The following ADGRB1 variants were observed in gnomAD, a reference collection of about 807,000 sequenced individuals.
ADGRB1 encodes brain-specific angiogenesis inhibitor 1.
In ADGRB1, 36 loss-of-function variants were observed where a neutral mutation model predicts 175.7. The observed-to-expected ratio is 0.20, with a 90% CI of 0.16 to 0.27. The LOEUF (loss-of-function observed/expected upper bound fraction) is 0.27, where lower values mean the gene tolerates loss of function less well. Ranked by LOEUF, ADGRB1 falls within the 10% of genes least tolerant of loss-of-function variation. The pLI is 1.00. For synonymous variants in ADGRB1, 1,054 were observed against 979.4 expected, an observed-to-expected ratio of 1.08 and a Z score of -1.42; for missense variants, 1,731 against 2,255.3, an observed-to-expected ratio of 0.77 and a Z score of 4.71.
intron 19 of ADGRB1, 108 bp from the exon 20 acceptor site, chr8:142,520,715 G>A: frequency 1.2e-6 from 1 of 865,966 alleles, no homozygotes; most frequent in African/African-American, 1.7e-5. Flanking sequence ...TGGTGACAAT[G>A]CCTGCAGGAA....
intron 22 of ADGRB1, among the ~76,000 whole-genome samples, chr8:142,523,283 G>A (rs1005786980): frequency 6.6e-6 from 1 of 152,120 alleles, no homozygotes; most frequent in Non-Finnish European, 1.5e-5. Flanking sequence ...TGGGGCTCAG[G>A]ATGGGCAGAA....
intron 17 of ADGRB1, among the ~76,000 whole-genome samples, chr8:142,498,959 C>T (rs1182175589): frequency 1.3e-5 from 2 of 152,190 alleles, no homozygotes; most frequent in African/African-American, 4.8e-5. Flanking sequence ...CAGCCTCTCT[C>T]TCCCTCTCTT....
chr8:142,539,505 A>G, intron 27 of ADGRB1, 92 bp downstream of exon 27: 1 of 1,448,492 alleles, frequency 6.9e-7, no homozygotes, highest in Non-Finnish European at 9.4e-7. Flanking sequence ...CACATCACCC[A>G]TCCCTGTCCA....
rs184351165 is a variant in ADGRB1 at position 142,543,345 on chromosome 8, G to C, written c.4414-58G>C. 1 of 1,606,262 alleles carries C rather than the reference G, an allele frequency of 6.2e-7. No homozygotes were observed. The highest frequency in any genetic ancestry group is 1.3e-5 in the African/African-American group (1 of 74,872). The stretch of plus-strand genomic sequence containing the variant: ...TGATGCCCTCAGTCTGAGGCAGGGA[G>C]AGGCGTGGACTTGTCAGGGACCCTT... On this transcript the variant is annotated intron_variant, in intron 28 of 30. Coordinates refer to ENST00000517894, the MANE Select transcript of ADGRB1 (RefSeq NM_001702.3). The surrounding 1 kb of genome is among the most constrained non-coding windows in gnomAD (Gnocchi z 4.4).
chr8:142,470,096 C>G (rs1367719815), intron 2 of ADGRB1, among the ~76,000 whole-genome samples: 1 of 152,194 alleles, frequency 6.6e-6, no homozygotes, highest in South Asian at 2.1e-4. Context: ...GGCCACGTCA[C>G]GCGTCAGACT....
intron 27 of ADGRB1, among the ~76,000 whole-genome samples, chr8:142,540,348 A>C (rs1044225299): frequency 6.6e-6 from 1 of 152,380 alleles, no homozygotes; most frequent in African/African-American, 2.4e-5. Flanking sequence ...AACCAGTCCC[A>C]CAGCCTCTCA....
At chr8:142,462,466 A>G (rs185540165) in intron 1 of ADGRB1, among the ~76,000 whole-genome samples, 27 of 152,346 alleles carry the variant, frequency 1.8e-4, no homozygotes, top group African/African-American at 6.0e-4. Context: ...GCACAGCCCA[A>G]GTCCAGCCTC....
At chr8:142,487,329 C>T (rs1841719577) in intron 13 of ADGRB1, among the ~76,000 whole-genome samples, 1 of 152,118 alleles carries the variant, frequency 6.6e-6, no homozygotes, top group Admixed American at 6.5e-5. Flanking sequence ...CCCTGCAGGC[C>T]ACCTGCCCTT....
intron 27 of ADGRB1, among the ~76,000 whole-genome samples, 169 bp from the exon 28 acceptor site, chr8:142,541,772 G>A (rs1845284296): frequency 6.6e-6 from 1 of 152,176 alleles, no homozygotes; most frequent in Non-Finnish European, 1.5e-5. Context: ...GCTTGGGTAG[G>A]GTGGTACCTG....
At chr8:142,519,829 T>C (rs1043438605) in intron 19 of ADGRB1, among the ~76,000 whole-genome samples, 3 of 150,794 alleles carry the variant, frequency 2.0e-5, no homozygotes, top group Non-Finnish European at 4.4e-5. Flanking sequence ...GTGCTGGTGA[T>C]TGTGATGGTG....
intron 18 of ADGRB1, among the ~76,000 whole-genome samples, chr8:142,517,327 G>T (rs12542428): frequency 0.92 from 140,654 of 152,266 alleles, 65,418 homozygotes; most frequent in Non-Finnish European, 0.98. Context: ...TGAGGAGGAA[G>T]GGCCCACTTT....
chr8:142,529,685 C>T (rs1336408975), intron 24 of ADGRB1, among the ~76,000 whole-genome samples: 7 of 121,442 alleles, frequency 5.8e-5, no homozygotes, highest in East Asian at 2.0e-4. Context: ...TACCTGTGAG[C>T]GTGCATCGGT....
chr8:142,507,512 GTC>G (rs1563723381), intron 17 of ADGRB1, among the ~76,000 whole-genome samples: 1 of 152,192 alleles, frequency 6.6e-6, no homozygotes, highest in Non-Finnish European at 1.5e-5. Flanking sequence ...GCAGCAGCCC[GTC>G]TCTCTCCCTG....
chr8:142,532,182 C>T (rs543880739), intron 24 of ADGRB1, among the ~76,000 whole-genome samples: 2 of 152,162 alleles, frequency 1.3e-5, no homozygotes, highest in African/African-American at 2.4e-5. Context: ...GCACCCATTC[C>T]GGGTGGTGAT....
intron 18 of ADGRB1, among the ~76,000 whole-genome samples, chr8:142,517,628 G>A (rs1423383863): frequency 6.6e-6 from 1 of 152,158 alleles, no homozygotes; most frequent in Non-Finnish European, 1.5e-5. Flanking sequence ...TGGTCGGGAT[G>A]TGTCCGGGCT....
chr8:142,530,652 C>T (rs1366495732), intron 24 of ADGRB1, among the ~76,000 whole-genome samples: 2 of 152,188 alleles, frequency 1.3e-5, no homozygotes, highest in Admixed American at 6.5e-5. Flanking sequence ...GCCTGCCAGG[C>T]CCCGGGAAGT....
intron 25 of ADGRB1, among the ~76,000 whole-genome samples, chr8:142,536,401 G>T (rs560441553): frequency 6.6e-6 from 1 of 152,294 alleles, no homozygotes; most frequent in South Asian, 2.1e-4. Flanking sequence ...CTGGCCGCTG[G>T]TCTTCCCCTG....
intron 5 of ADGRB1, 34 bp downstream of exon 5, chr8:142,477,312 C>T: frequency 6.3e-7 from 1 of 1,582,728 alleles, no homozygotes; most frequent in Non-Finnish European, 8.6e-7. Context: ...CAGCGGACAG[C>T]CAGGGCAGCG....
intron 11 of ADGRB1, among the ~76,000 whole-genome samples, chr8:142,483,339 G>C (rs1209387332): frequency 1.2e-5 from 1 of 83,058 alleles, no homozygotes; most frequent in Non-Finnish European, 2.2e-5. Context: ...CCTGACCCTG[G>C]TCACACTGAG....
Sources: gnomAD v4.1 joint callset for allele counts (sites outside exome capture counted in the v4.1 genomes callset) on GRCh38, gnomAD v4.1.1 for gene constraint, Gnocchi (gnomAD v3.1) non-coding constraint, MANE v1.5 for transcripts, NCBI Gene and HGNC (gene_info 2026-07-23, HGNC 2026-07-21) for gene names.